Variants in GLIPR1 observed in about 807,000 individuals in gnomAD.
The protein encoded by GLIPR1 is glioma pathogenesis-related protein 1.
A neutral mutation model predicts 30.3 loss-of-function variants in GLIPR1; 38 were observed. The observed-to-expected ratio is 1.26, with a 90% CI of 0.97 to 1.65. The LOEUF is 1.65. Ranked by LOEUF, GLIPR1 falls within the 40% of genes most tolerant of loss-of-function variation. GLIPR1 has a pLI of 0.00. For missense variants in GLIPR1, 285 were observed against 326.5 expected, an observed-to-expected ratio of 0.87 and a Z score of 0.98; for synonymous variants, 122 against 110.6, an observed-to-expected ratio of 1.10 and a Z score of -0.65.
chr12:75,481,193 G>A, intron 1 of GLIPR1, 139 bp downstream of exon 1: 1 of 606,524 alleles, frequency 1.6e-6, no homozygotes, highest in Non-Finnish European at 2.8e-6. Flanking sequence ...CACAGTCTGT[G>A]ATCAAAACAC....
chr12:75,484,713 G>C (rs1430655629), intron 2 of GLIPR1: 1 of 152,254 alleles, frequency 6.6e-6, no homozygotes, highest in Admixed American at 6.5e-5. Context: ...AAGGTGCTCA[G>C]TGGGGGAGCT....
chr12:75,498,951 G>A lies in GLIPR1; in HGVS notation c.774G>A (p.Lys258=), dbSNP rs370333255. The A allele has an allele frequency of 1.0e-5, 16 of 1,603,552 alleles. No homozygotes were observed. Among genetic ancestry groups the A allele is most frequent in the Non-Finnish European group, 1.4e-5 (16 of 1,175,806 alleles). The change falls in exon 6 of 6, where the codon AAG becomes AAA. Residue 258 remains lysine, a synonymous_variant. Transcript: ENST00000266659. The part of the protein sequence containing the change: ...SVIITILVQH[K]YPNLVLLD ...TAATTACCATTTTGGTACAGCACAA[G>A]TACCCTAATTTAGTTCTTTTGGACT... is the stretch of plus-strand genomic sequence containing the variant.
chr12:75,494,265 G>A (rs1352084082), intron 3 of GLIPR1: 3 of 152,080 alleles, frequency 2.0e-5, no homozygotes, highest in Non-Finnish European at 2.9e-5. Context: ...CATAAACTTT[G>A]ATTAGAAAAT....
chr12:75,494,320 C>T (rs1253193450), intron 3 of GLIPR1: 1 of 152,058 alleles, frequency 6.6e-6, no homozygotes, highest in Non-Finnish European at 1.5e-5. Context: ...AATAACATTT[C>T]CTTTCATTAT....
At chr12:75,490,820 C>T (rs192261629) in intron 3 of GLIPR1, 83 of 203,730 alleles carry the variant, frequency 4.1e-4, no homozygotes, top group African/African-American at 1.8e-3. Flanking sequence ...TCATCAGGGA[C>T]ATAAATTGTA....
At chr12:75,487,394 AT>A (rs2046298238) in intron 2 of GLIPR1, among the ~76,000 whole-genome samples, 1 of 152,254 alleles carries the variant, frequency 6.6e-6, no homozygotes, top group Non-Finnish European at 1.5e-5. Flanking sequence ...AAGTTTAAGG[AT>A]CAAACCTGAG....
intron 2 of GLIPR1, chr12:75,487,873 A>G: frequency 2.2e-6 from 1 of 446,908 alleles, no homozygotes; most frequent in South Asian, 1.6e-5. Flanking sequence ...TGGCTACTCC[A>G]TAGACAGAGC....
At position 75,502,083 on chromosome 12, in the gene GLIPR1, G is replaced by T; in HGVS notation, c.*3105G>T. ...CTAAGCAAGTCACAATATCCTTAGG[G>T]TAAAAACAATGGGGTCAAACTGATT... is the stretch of plus-strand genomic sequence containing the variant. On this transcript the variant is annotated 3_prime_UTR_variant, in exon 6 of 6. Coordinates refer to ENST00000266659, the MANE Select transcript of GLIPR1 (RefSeq NM_006851.3). 2 of 1,114,084 alleles carry T rather than the reference G, an allele frequency of 1.8e-6. No homozygotes were observed. The highest frequency in any genetic ancestry group is 1.6e-5 in the African/African-American group (1 of 64,466). 69.0% of individuals were successfully genotyped at this position (1,114,084 alleles called of 1,614,324 possible).
At chr12:75,490,554 C>G (rs543294913) in intron 3 of GLIPR1, 36 bp downstream of exon 3, 9 of 109,684 alleles carry the variant, frequency 8.2e-5, no homozygotes, top group East Asian at 2.8e-4. Flanking sequence ...TAGGAAACGC[C>G]CCCCCCCCCC....
intron 2 of GLIPR1, among the ~76,000 whole-genome samples, chr12:75,486,380 A>G (rs1040086430): frequency 6.6e-6 from 1 of 152,210 alleles, no homozygotes; most frequent in African/African-American, 2.4e-5. Flanking sequence ...AGGGAATGAA[A>G]CAAGAATATT....
At chr12:75,482,464 A>G (rs543181797) in intron 2 of GLIPR1, among the ~76,000 whole-genome samples, 16 of 152,232 alleles carry the variant, frequency 1.1e-4, no homozygotes, top group African/African-American at 3.9e-4. Context: ...AAGAAACAAG[A>G]CTCTCAGACA....
intron 3 of GLIPR1, chr12:75,492,059 A>G (rs2046326784): frequency 6.6e-6 from 1 of 151,700 alleles, no homozygotes; most frequent in Non-Finnish European, 1.5e-5. Context: ...AGACAAAGCC[A>G]TAATTCAGTT....
chr12:75,482,550 T>C lies in GLIPR1; in HGVS notation c.420+471T>C, dbSNP rs540837836. ...TCGACTGAAAACCTACTGTGTGCCA[T>C]GCACTAGGCACCACGCACGGTGCTA... On this transcript the variant is annotated intron_variant, in intron 2 of 5. Coordinates refer to ENST00000266659, the MANE Select transcript of GLIPR1 (RefSeq NM_006851.3). Among the ~76,000 whole-genome samples, 8 of 152,140 alleles carry C rather than the reference T, an allele frequency of 5.3e-5. No individual in the cohort carries two copies. The South Asian group carries it at 1.5e-3, about 28-fold the overall frequency.
intron 3 of GLIPR1, chr12:75,493,424 T>C (rs1196453477): frequency 6.6e-6 from 1 of 152,166 alleles, no homozygotes; most frequent in Non-Finnish European, 1.5e-5. Flanking sequence ...CTGGGATGCT[T>C]AATCTTCCAG....
intron 2 of GLIPR1, among the ~76,000 whole-genome samples, chr12:75,482,567 A>G (rs1195353700): frequency 1.3e-5 from 2 of 152,136 alleles, no homozygotes. Flanking sequence ...GGCACCACGC[A>G]CGGTGCTACA....
chr12:75,487,790 C>T (rs2046300526), intron 2 of GLIPR1: 1 of 456,426 alleles, frequency 2.2e-6, no homozygotes, highest in Non-Finnish European at 4.4e-6. Context: ...GTTCTTGAAT[C>T]TCGCGCGAGA....
chr12:75,486,392 G>T (rs984758348), intron 2 of GLIPR1, among the ~76,000 whole-genome samples: 16 of 152,146 alleles, frequency 1.1e-4, no homozygotes, highest in Non-Finnish European at 1.9e-4. Flanking sequence ...AAGAATATTT[G>T]CTGAGTGCTT....
intron 3 of GLIPR1, chr12:75,495,086 G>T: frequency 6.6e-6 from 1 of 152,360 alleles, no homozygotes. Context: ...CAGCCAAATG[G>T]CTCCTATCCA....
chr12:75,480,822 T>C lies in GLIPR1; in HGVS notation c.-59T>C. On this transcript the variant is annotated 5_prime_UTR_variant, in exon 1 of 6. Coordinates refer to ENST00000266659, the MANE Select transcript of GLIPR1 (RefSeq NM_006851.3). Reference sequence around the variant, plus strand: ...GGGCTGAGCACTCAGGCAATCACACTCTCAGAAACTGCGGCGGCTCTGGAC... The same window carrying C: ...GGGCTGAGCACTCAGGCAATCACACCCTCAGAAACTGCGGCGGCTCTGGAC... The C allele has an allele frequency of 7.2e-7, 1 of 1,384,222 alleles. No homozygotes were observed. Among genetic ancestry groups the C allele is most frequent in the East Asian group, 2.3e-5 (1 of 43,224 alleles). 85.7% of individuals were successfully genotyped at this position (1,384,222 alleles called of 1,614,324 possible).
Sources: gnomAD v4.1 joint callset for allele counts (sites outside exome capture counted in the v4.1 genomes callset) on GRCh38, gnomAD v4.1.1 for gene constraint, MANE v1.5 for transcripts, NCBI Gene and HGNC (gene_info 2026-07-23, HGNC 2026-07-21) for gene names.